Variants in ANKDD1A observed in about 807,000 individuals in gnomAD.
ANKDD1A encodes ankyrin repeat and death domain-containing protein 1A.
A neutral mutation model predicts 63.5 loss-of-function variants in ANKDD1A; 59 were observed. The ratio of observed to expected loss-of-function variants is 0.93; its 90% CI spans 0.75 to 1.15. The LOEUF is 1.15. ANKDD1A is among the 50% of genes most tolerant of loss of function. The pLI is 0.00. For synonymous variants in ANKDD1A, 266 were observed against 263.9 expected (o/e 1.01, Z -0.08); for missense variants, 632 against 656.4 (o/e 0.96, Z 0.41).
At chr15:64,953,535 TC>T (rs1218922770) in intron 14 of ANKDD1A, among the ~76,000 whole-genome samples, 5,630 of 48,668 alleles carry the variant, frequency 0.12, 452 homozygotes, top group African/African-American at 0.27. Flanking sequence ...CTTCTTCTCC[TC>T]TCCTTCTTCC....
intron 12 of ANKDD1A, among the ~76,000 whole-genome samples, chr15:64,946,836 A>C (rs1252518405): frequency 6.6e-6 from 1 of 152,182 alleles, no homozygotes; most frequent in Non-Finnish European, 1.5e-5. Context: ...TGAACTTAAC[A>C]ACCAGAACTC....
intron 9 of ANKDD1A, among the ~76,000 whole-genome samples, chr15:64,935,531 C>T (rs929093920): frequency 5.9e-5 from 9 of 151,900 alleles, no homozygotes; most frequent in Middle Eastern, 3.2e-3. Flanking sequence ...AAAAATTAGC[C>T]GGGCTTTGTG....
Position 64,915,790 on chromosome 15 carries a change from C to T in ANKDD1A, c.35-7C>T, listed in dbSNP as rs771423296. The T allele has an allele frequency of 4.3e-6, 7 of 1,613,522 alleles. No homozygotes were observed. The highest frequency in any genetic ancestry group is 1.1e-5 in the South Asian group (1 of 91,028). ...CCCTCATCCTGCACCCCATTTTCTC[C>T]CCACAGTGCTTCCTCTGGAGAGGCA... On this transcript the variant is annotated splice_polypyrimidine_tract_variant and splice_region_variant and intron_variant, in intron 1 of 14. Transcript: ENST00000319580.
At chr15:64,944,546 C>A in intron 11 of ANKDD1A, 106 bp from the exon 12 acceptor site, 1 of 1,025,882 alleles carries the variant, frequency 9.7e-7, no homozygotes, top group Non-Finnish European at 1.4e-6. Flanking sequence ...GCGTAGACTG[C>A]TGGAAAGCAC....
chr15:64,928,851 G>C (rs1172143847), intron 6 of ANKDD1A, among the ~76,000 whole-genome samples: 5 of 152,356 alleles, frequency 3.3e-5, no homozygotes, highest in East Asian at 3.9e-4. Context: ...AGGAAAGTGC[G>C]AGCGCCTGTC....
At chr15:64,953,720 CTCCT>C in intron 14 of ANKDD1A, among the ~76,000 whole-genome samples, 1 of 6,798 alleles carries the variant, frequency 1.5e-4, no homozygotes, top group African/African-American at 3.6e-4. Flanking sequence ...CCTTGTTCTT[CTCCT>C]TCTTCTCCTC....
At chr15:64,926,787 C>A in intron 5 of ANKDD1A, 114 bp from the exon 6 acceptor site, 1 of 1,057,230 alleles carries the variant, frequency 9.5e-7, no homozygotes, top group Non-Finnish European at 1.4e-6. Context: ...GTGTCTGGGG[C>A]AGGAGAGGCC....
intron 9 of ANKDD1A, among the ~76,000 whole-genome samples, chr15:64,937,527 G>A (rs2085144022): frequency 6.6e-6 from 1 of 152,048 alleles, no homozygotes; most frequent in African/African-American, 2.4e-5. Context: ...AGGAGTTCGA[G>A]ACCAGCCTGG....
At chr15:64,952,335 C>CT (rs757735821) in intron 14 of ANKDD1A, among the ~76,000 whole-genome samples, 324 of 23,652 alleles carry the variant, frequency 0.014, 3 homozygotes, top group Non-Finnish European at 0.053. Flanking sequence ...CTTCTTCCTT[C>CT]TCCTTCTTCT....
intron 10 of ANKDD1A, among the ~76,000 whole-genome samples, chr15:64,942,976 T>C (rs937049447): frequency 1.4e-4 from 21 of 152,162 alleles, no homozygotes; most frequent in African/African-American, 5.1e-4. Flanking sequence ...CCACCAACCA[T>C]ATAATTCTCA....
At chr15:64,922,663 A>G (rs1046674442) in intron 4 of ANKDD1A, among the ~76,000 whole-genome samples, 1 of 152,142 alleles carries the variant, frequency 6.6e-6, no homozygotes, top group Admixed American at 6.5e-5. Context: ...TTCTTTTGAG[A>G]TGGAGTCTTG....
At chr15:64,930,682 C>T in intron 6 of ANKDD1A, 140 bp from the exon 7 acceptor site, 1 of 704,398 alleles carries the variant, frequency 1.4e-6, no homozygotes, top group South Asian at 1.9e-5. Flanking sequence ...GCCCTTGAAT[C>T]TGCCCCTGGT....
chr15:64,943,652 A>T, intron 11 of ANKDD1A, 70 bp downstream of exon 11: 1 of 1,347,178 alleles, frequency 7.4e-7, no homozygotes, highest in Non-Finnish European at 1.0e-6. Flanking sequence ...CCCTGCTACG[A>T]ATGCCCCCTC....
intron 14 of ANKDD1A, among the ~76,000 whole-genome samples, chr15:64,953,667 T>TCCTTTTCCTC (rs2085354909): frequency 7.2e-6 from 1 of 139,502 alleles, no homozygotes; most frequent in Non-Finnish European, 1.6e-5. Flanking sequence ...TTTTCTTTCT[T>TCCTTTTCCTC]CTCCTTCTTT....
intron 9 of ANKDD1A, among the ~76,000 whole-genome samples, chr15:64,939,084 G>T (rs1301412890): frequency 6.6e-6 from 1 of 152,262 alleles, no homozygotes; most frequent in African/African-American, 2.4e-5. Context: ...TGGATGTGGG[G>T]TATGTGGGAA....
intron 3 of ANKDD1A, among the ~76,000 whole-genome samples, chr15:64,921,564 G>A (rs887756537): frequency 4.6e-5 from 7 of 152,056 alleles, no homozygotes; most frequent in Admixed American, 6.5e-5. Flanking sequence ...TAGTAGAGAC[G>A]GGGTTTCACC....
intron 3 of ANKDD1A, among the ~76,000 whole-genome samples, chr15:64,919,239 A>G (rs982873471): frequency 9.9e-5 from 15 of 152,048 alleles, no homozygotes; most frequent in Non-Finnish European, 2.1e-4. Flanking sequence ...TCCCTCCCTC[A>G]GTCCTGAGCC....
At chr15:64,927,048 C>T (rs1191754438) in intron 6 of ANKDD1A, 49 bp downstream of exon 6, 3 of 1,597,032 alleles carry the variant, frequency 1.9e-6, no homozygotes, top group Admixed American at 1.7e-5. Flanking sequence ...GCAAAACTTG[C>T]CACCTTCCAG....
chr15:64,942,523 G>A lies in ANKDD1A; in HGVS notation c.924G>A (p.Arg308=), dbSNP rs1212916426. The change falls in exon 10 of 15, where the codon CGG becomes CGA. Residue 308 remains arginine, a synonymous_variant. Transcript: ENST00000319580. ...GGCACAACTTCCCTGCCTTGGTCCG[G>A]CTCCTCATCAACTCCGACAGTGACG... ...AVRHNFPALV[R]LLINSDSDVN... is the part of the protein sequence containing the mutation. 1 of 1,613,840 alleles carries A rather than the reference G, an allele frequency of 6.2e-7. No individual in the cohort carries two copies. The highest frequency in any genetic ancestry group is 1.1e-5 in the South Asian group (1 of 91,036).
Sources: allele counts gnomAD v4.1 joint callset (sites outside exome capture counted in the v4.1 genomes callset), GRCh38; gene constraint gnomAD v4.1.1; transcripts MANE v1.5; gene names NCBI Gene and HGNC (gene_info 2026-07-23, HGNC 2026-07-21).